The following CRADD variants were observed in gnomAD, a reference collection of about 807,000 sequenced individuals.
CRADD encodes CARD and death domain containing adaptor protein.
CRADD carries 9 observed loss-of-function variants against 15.5 expected under a neutral mutation model. The ratio of observed to expected loss-of-function variants is 0.58; its 90% confidence interval spans 0.35 to 1.01. The LOEUF (loss-of-function observed/expected upper bound fraction) is 1.01, where lower values mean the gene tolerates loss of function less well. Ranked by LOEUF, CRADD falls within the 50% of genes least tolerant of loss-of-function variation. The pLI is 0.02. For synonymous variants in CRADD, 118 were observed against 107.6 expected, an observed-to-expected ratio of 1.10 and a Z score of -0.60; for missense variants, 227 against 250.3, an observed-to-expected ratio of 0.91 and a Z score of 0.63.
At chr12:93,695,988 T>C (rs1187302173) in intron 2 of CRADD, among the ~76,000 whole-genome samples, 2 of 152,146 alleles carry the variant, frequency 1.3e-5, no homozygotes, top group Non-Finnish European at 2.9e-5. Context: ...GAAAAAATGA[T>C]CAACATCGCA....
rs11835100 is a variant in CRADD, at chr12:93,709,799, G to A, written c.298+30727G>A. Reference sequence around the variant, plus strand: ...TACCCAGTAATGGGATTGCTGGGTCGAATGGTAGTTCTGCTTTTAGGTCTT... The same window carrying A: ...TACCCAGTAATGGGATTGCTGGGTCAAATGGTAGTTCTGCTTTTAGGTCTT... On this transcript the variant is annotated intron_variant, in intron 2 of 2. Coordinates refer to ENST00000332896, the MANE Select transcript of CRADD (RefSeq NM_003805.5). 9.5e-3 allele frequency among the ~76,000 whole-genome samples: 1,444 copies of A among 152,294 alleles called. 16 individuals carry two copies. Among genetic ancestry groups the A allele is most frequent in the African/African-American group, 0.033 (1,363 of 41,562 alleles).
intron 2 of CRADD, among the ~76,000 whole-genome samples, chr12:93,789,863 A>G (rs979794086): frequency 1.3e-5 from 2 of 152,202 alleles, no homozygotes; most frequent in African/African-American, 2.4e-5. Flanking sequence ...AGAAAGGAAA[A>G]TCAAACACAG....
intron 2 of CRADD, among the ~76,000 whole-genome samples, chr12:93,793,030 A>G (rs974249436): frequency 6.6e-6 from 1 of 152,198 alleles, no homozygotes; most frequent in Non-Finnish European, 1.5e-5. Flanking sequence ...TCACATATGT[A>G]TCATTATATA....
At chr12:93,797,656 C>A (rs143088348) in intron 2 of CRADD, among the ~76,000 whole-genome samples, 56 of 152,098 alleles carry the variant, frequency 3.7e-4, no homozygotes, top group Non-Finnish European at 7.3e-5. Flanking sequence ...AAAACCACCG[C>A]AATAGGTAAC....
chr12:93,831,920 C>G (rs1055853608), intron 2 of CRADD, among the ~76,000 whole-genome samples: 1 of 152,164 alleles, frequency 6.6e-6, no homozygotes, highest in Non-Finnish European at 1.5e-5. Flanking sequence ...TTAATGGAAC[C>G]AAGTTTGCTG....
chr12:93,802,162 CA>C lies in CRADD; in HGVS notation c.299-47807del, dbSNP rs367820253. On this transcript the variant is annotated intron_variant, in intron 2 of 2. Coordinates refer to ENST00000332896, the MANE Select transcript of CRADD (RefSeq NM_003805.5). Reference sequence around the variant, plus strand: ...TTGTGCTGCTGTAAACATGCATGTGCATGTGTCTTTTTCATATGACTTCTTT... The same window carrying C: ...TTGTGCTGCTGTAAACATGCATGTGCTGTGTCTTTTTCATATGACTTCTTT... 8.4e-4 allele frequency among the ~76,000 whole-genome samples: 128 copies of C among 152,290 alleles called. 4 individuals are homozygous for C. In the South Asian group the frequency reaches 0.026, roughly 31 times the overall value.
At chr12:93,690,787 G>A (rs1208235407) in intron 2 of CRADD, among the ~76,000 whole-genome samples, 1 of 152,088 alleles carries the variant, frequency 6.6e-6, no homozygotes, top group South Asian at 2.1e-4. Context: ...TGTCTCTATC[G>A]GTCTACTACC....
chr12:93,876,026 T>G (rs1372581527), intron 2 of CRADD, among the ~76,000 whole-genome samples: 1 of 152,170 alleles, frequency 6.6e-6, no homozygotes, highest in East Asian at 1.9e-4. Flanking sequence ...TTTATTTGTC[T>G]GGGAATGTCT....
At chr12:93,716,133 A>G (rs1384279501) in intron 2 of CRADD, among the ~76,000 whole-genome samples, 1 of 139,938 alleles carries the variant, frequency 7.1e-6, no homozygotes, top group African/African-American at 2.8e-5. Flanking sequence ...CTCCACCTCA[A>G]AAAAAAAAAA....
intron 2 of CRADD, among the ~76,000 whole-genome samples, chr12:93,736,500 C>G (rs1956572457): frequency 6.6e-6 from 1 of 152,166 alleles, no homozygotes; most frequent in Non-Finnish European, 1.5e-5. Context: ...TTATTCTGTT[C>G]TCCACAATAA....
chr12:93,847,432 A>G (rs576748513), intron 2 of CRADD, among the ~76,000 whole-genome samples: 1 of 148,064 alleles, frequency 6.8e-6, no homozygotes, highest in African/African-American at 2.5e-5. Flanking sequence ...ATTCCAGTGA[A>G]GGCAATAAGC....
chr12:93,768,127 A>T (rs1209194274), intron 2 of CRADD, among the ~76,000 whole-genome samples: 1 of 152,188 alleles, frequency 6.6e-6, no homozygotes, highest in Non-Finnish European at 1.5e-5. Context: ...ATCTAATTAG[A>T]TATTACGTAA....
At chr12:93,738,487 T>C (rs1273326511) in intron 2 of CRADD, 3 of 702,112 alleles carry the variant, frequency 4.3e-6, no homozygotes, top group Non-Finnish European at 7.8e-6. Flanking sequence ...AGTAGGCCCC[T>C]TCACTGGGAC....
chr12:93,812,450 G>A (rs143604165), intron 2 of CRADD, among the ~76,000 whole-genome samples: 2,598 of 151,860 alleles, frequency 0.017, 69 homozygotes, highest in African/African-American at 0.059. Flanking sequence ...CGAGGTGGGT[G>A]GATCAACTGA....
chr12:93,684,410 C>T (rs1955388095), intron 2 of CRADD, among the ~76,000 whole-genome samples: 1 of 152,190 alleles, frequency 6.6e-6, no homozygotes, highest in Non-Finnish European at 1.5e-5. Context: ...CTATGAGAGT[C>T]TAATGCCACT....
chr12:93,742,162 G>A lies in CRADD; in HGVS notation c.298+63090G>A, dbSNP rs183289945. Among the ~76,000 whole-genome samples the A allele has an allele frequency of 1.4e-3, 215 of 152,322 alleles. 1 individual carries two copies. Among genetic ancestry groups the A allele is most frequent in the African/African-American group, 5.0e-3 (208 of 41,566 alleles). On this transcript the variant is annotated intron_variant, in intron 2 of 2. Transcript: ENST00000332896. ...AAGTTCCCGAGCAGCATCTGGCAGA[G>A]CAGGGTAATTCAATCTATTTTAATG...
intron 2 of CRADD, among the ~76,000 whole-genome samples, chr12:93,829,990 C>G (rs1957874238): frequency 6.6e-6 from 1 of 152,152 alleles, no homozygotes; most frequent in Non-Finnish European, 1.5e-5. Context: ...CCACGCCCGG[C>G]GGTTATTTCA....
chr12:93,870,924 A>G (rs1399481708), intron 2 of CRADD, among the ~76,000 whole-genome samples: 2 of 152,256 alleles, frequency 1.3e-5, no homozygotes, highest in African/African-American at 2.4e-5. Flanking sequence ...ATAGTGGACA[A>G]CAATTAAAAG....
At chr12:93,813,260 C>CA (rs1236663836) in intron 2 of CRADD, among the ~76,000 whole-genome samples, 3 of 152,174 alleles carry the variant, frequency 2.0e-5, no homozygotes, top group Admixed American at 6.5e-5. Context: ...CATCCAAATT[C>CA]AAAAAAACTG....
Sources: allele counts gnomAD v4.1 joint callset (sites outside exome capture counted in the v4.1 genomes callset), GRCh38; gene constraint gnomAD v4.1.1; transcripts MANE v1.5; gene names NCBI Gene and HGNC (gene_info 2026-07-23, HGNC 2026-07-21).